Variants in CACNA2D1 observed in about 807,000 individuals in gnomAD.
The protein encoded by CACNA2D1 is calcium voltage-gated channel auxiliary subunit alpha2delta 1.
In CACNA2D1, 53 loss-of-function variants were observed where a neutral mutation model predicts 171.5. The observed-to-expected ratio is 0.31, with a 90% CI of 0.25 to 0.39. The LOEUF is 0.39. Among genes scored for constraint, CACNA2D1 ranks in the 10% least tolerant of loss-of-function variants. The pLI, the probability that CACNA2D1 is intolerant of heterozygous loss-of-function variation, is 1.00. For missense variants in CACNA2D1, 903 were observed against 1,299.8 expected (o/e 0.69, Z 4.69); for synonymous variants, 442 against 443.1 (o/e 1.00, Z 0.03).
chr7:81,964,644 T>TGG (rs1794506816), intron 32 of CACNA2D1, among the ~76,000 whole-genome samples: 1 of 151,782 alleles, frequency 6.6e-6, no homozygotes, highest in Non-Finnish European at 1.5e-5. Flanking sequence ...CCCAGATGAA[T>TGG]AAAACAGGGC....
intron 3 of CACNA2D1, among the ~76,000 whole-genome samples, chr7:82,271,370 CTT>C (rs1220096361): frequency 7.9e-5 from 12 of 152,068 alleles, no homozygotes; most frequent in Admixed American, 3.9e-4. Flanking sequence ...AATAAATTCT[CTT>C]GATTCTTTAT....
At chr7:82,046,442 A>G (rs562174120) in intron 10 of CACNA2D1, among the ~76,000 whole-genome samples, 43 of 152,156 alleles carry the variant, frequency 2.8e-4, no homozygotes, top group Non-Finnish European at 4.3e-4. Flanking sequence ...ATTGTATAAA[A>G]AAAGAAACAT....
chr7:82,183,182 A>G (rs180890039), intron 3 of CACNA2D1, among the ~76,000 whole-genome samples: 38 of 152,226 alleles, frequency 2.5e-4, no homozygotes, highest in Middle Eastern at 3.4e-3. Context: ...ACATTTTACA[A>G]TCCCTAGAGT....
At chr7:82,173,890 A>G (rs1303567741) in intron 3 of CACNA2D1, among the ~76,000 whole-genome samples, 1 of 151,602 alleles carries the variant, frequency 6.6e-6, no homozygotes, top group Non-Finnish European at 1.5e-5. Context: ...AAAAAATAAC[A>G]CAATTAGCCA....
At chr7:82,102,757 T>G (rs983229118) in intron 6 of CACNA2D1, among the ~76,000 whole-genome samples, 1 of 152,092 alleles carries the variant, frequency 6.6e-6, no homozygotes, top group Non-Finnish European at 1.5e-5. Flanking sequence ...GTCATACATG[T>G]CACTTCCACC....
intron 26 of CACNA2D1, among the ~76,000 whole-genome samples, chr7:81,971,524 ATC>A (rs879744361): frequency 6.6e-5 from 10 of 151,594 alleles, no homozygotes; most frequent in Non-Finnish European, 1.0e-4. Flanking sequence ...GAAACACACA[ATC>A]ATGCCCATTT....
rs368249024 is a variant in CACNA2D1 at position 82,252,478 on chromosome 7, G to C, written c.295-81869C>G. 1.1e-4 allele frequency among the ~76,000 whole-genome samples: 16 copies of C among 152,200 alleles called. No homozygotes were observed. In the East Asian group the frequency reaches 1.5e-3, roughly 15 times the overall value. On this transcript the variant is annotated intron_variant, in intron 3 of 38. Transcript: ENST00000356860. ...TTAAGCATATATTTATTGAATGCCC[G>C]CTGCACTCATCAGTAGAGACTTAGA...
chr7:82,163,281 T>C (rs1795122612), intron 4 of CACNA2D1, among the ~76,000 whole-genome samples: 1 of 152,098 alleles, frequency 6.6e-6, no homozygotes. Context: ...CATATTTGTA[T>C]AAATTATCTC....
At chr7:81,954,047 C>A (rs1395851357) in intron 38 of CACNA2D1, among the ~76,000 whole-genome samples, 1 of 152,060 alleles carries the variant, frequency 6.6e-6, no homozygotes, top group Non-Finnish European at 1.5e-5. Context: ...TCTTCCCAAG[C>A]ATTTTGCATG....
intron 1 of CACNA2D1, among the ~76,000 whole-genome samples, chr7:82,374,383 AC>A (rs1364382910): frequency 1.4e-4 from 21 of 152,198 alleles, no homozygotes; most frequent in Non-Finnish European, 2.6e-4. Context: ...GCGTACAGAC[AC>A]GGCTCTATTT....
chr7:82,362,731 C>G lies in CACNA2D1; in HGVS notation c.96-13082G>C, dbSNP rs1403828612. Among the ~76,000 whole-genome samples, 3 of 152,154 alleles carry G rather than the reference C, an allele frequency of 2.0e-5. No individual in the cohort carries two copies. In the East Asian group the frequency reaches 5.8e-4, roughly 29 times the overall value. On this transcript the variant is annotated intron_variant, in intron 1 of 38. Coordinates refer to ENST00000356860, the MANE Select transcript of CACNA2D1 (RefSeq NM_000722.4). ...ACCGTTGGACATCTTGTAAGCGAACCTTGAACTGAGATTATTTCTCCAATT... is the reference window on the plus strand; with the variant it reads ...ACCGTTGGACATCTTGTAAGCGAACGTTGAACTGAGATTATTTCTCCAATT...
At position 82,099,653 on chromosome 7, in the gene CACNA2D1, G is replaced by T. The variant is rs902478036; in HGVS notation, c.527-14753C>A. Among the ~76,000 whole-genome samples the T allele has an allele frequency of 8.4e-4, 56 of 66,736 alleles. 1 individual carries two copies. The highest frequency in any genetic ancestry group is 2.4e-3 in the African/African-American group (53 of 22,094). The allele number at this position is 66,736 out of a possible 152,430, so 43.8% of individuals were successfully genotyped here. A position where few individuals can be genotyped will look rare whatever the true frequency, so the allele number is the denominator to read the frequency against. ...TTTAGTAGAGACAGGGTTTCACCGTGTTAGCCGGGATGGTCTCGATCTCCT... is the reference window on the plus strand; with the variant it reads ...TTTAGTAGAGACAGGGTTTCACCGTTTTAGCCGGGATGGTCTCGATCTCCT... On this transcript the variant is annotated intron_variant, in intron 6 of 38. Transcript: ENST00000356860.
At chr7:82,354,196 C>G (rs1462213824) in intron 1 of CACNA2D1, among the ~76,000 whole-genome samples, 1 of 152,160 alleles carries the variant, frequency 6.6e-6, no homozygotes, top group Non-Finnish European at 1.5e-5. Context: ...TTCCATAGGT[C>G]TTTGGGTCAT....
At chr7:82,390,732 C>G (rs911870005) in intron 1 of CACNA2D1, among the ~76,000 whole-genome samples, 2 of 152,064 alleles carry the variant, frequency 1.3e-5, no homozygotes, top group African/African-American at 4.8e-5. Context: ...GGTTATGGAA[C>G]AGCACCACCC....
At chr7:82,189,724 A>G (rs550045307) in intron 3 of CACNA2D1, among the ~76,000 whole-genome samples, 2 of 151,986 alleles carry the variant, frequency 1.3e-5, no homozygotes, top group East Asian at 1.9e-4. Flanking sequence ...GACACAGAAA[A>G]GAATACATAA....
chr7:82,362,915 T>C (rs1194238779), intron 1 of CACNA2D1, among the ~76,000 whole-genome samples: 1 of 152,194 alleles, frequency 6.6e-6, no homozygotes, highest in Non-Finnish European at 1.5e-5. Context: ...GCAATGGGCA[T>C]TCATTACCCT....
chr7:82,102,313 T>C (rs1812770704), intron 6 of CACNA2D1, among the ~76,000 whole-genome samples: 2 of 151,868 alleles, frequency 1.3e-5, no homozygotes, highest in Admixed American at 6.6e-5. Flanking sequence ...GGAAAAAAAA[T>C]CCTGAGAAGC....
intron 4 of CACNA2D1, among the ~76,000 whole-genome samples, chr7:82,158,007 T>C (rs1794542653): frequency 6.6e-6 from 1 of 151,910 alleles, no homozygotes; most frequent in African/African-American, 2.4e-5. Flanking sequence ...CATATATATA[T>C]TCAGCATAGC....
At chr7:82,361,840 T>C (rs1470948749) in intron 1 of CACNA2D1, among the ~76,000 whole-genome samples, 3 of 152,200 alleles carry the variant, frequency 2.0e-5, no homozygotes, top group African/African-American at 7.2e-5. Context: ...GTTTTAGCTA[T>C]ATTCTCTCTT....
Sources: gnomAD v4.1 joint callset for allele counts (sites outside exome capture counted in the v4.1 genomes callset) on GRCh38, gnomAD v4.1.1 for gene constraint, MANE v1.5 for transcripts, NCBI Gene and HGNC (gene_info 2026-07-23, HGNC 2026-07-21) for gene names.